ADAMTS18: variants seen among roughly 807,000 people sequenced by gnomAD.
ADAMTS18 encodes ADAM metallopeptidase with thrombospondin type 1 motif 18, also known as A disintegrin and metalloproteinase with thrombospondin motifs 18.
ADAMTS18 carries 157 observed loss-of-function variants against 165.9 expected under a neutral mutation model. The ratio of observed to expected loss-of-function variants is 0.95; its 90% CI spans 0.83 to 1.08. The LOEUF is 1.08. Among genes scored for constraint, ADAMTS18 ranks in the 50% least tolerant of loss-of-function variants. The pLI is 0.00. For missense variants in ADAMTS18, 2,040 were observed against 1,534.0 expected, an observed-to-expected ratio of 1.33 and a Z score of -5.51; for synonymous variants, 782 against 578.2, an observed-to-expected ratio of 1.35 and a Z score of -5.06.
chr16:77,420,121 C>T (rs2057583207), intron 3 of ADAMTS18, among the ~76,000 whole-genome samples: 1 of 148,452 alleles, frequency 6.7e-6, no homozygotes, highest in Admixed American at 6.8e-5. Flanking sequence ...GACGAGCAAA[C>T]TAGATTCTCA....
At chr16:77,412,361 T>G (rs1020360161) in intron 3 of ADAMTS18, among the ~76,000 whole-genome samples, 1 of 152,142 alleles carries the variant, frequency 6.6e-6, no homozygotes, top group Non-Finnish European at 1.5e-5. Context: ...AGGGTCTCGC[T>G]GTAACTCAGG....
At chr16:77,353,919 T>C in intron 9 of ADAMTS18, 33 bp from the exon 10 acceptor site, 1 of 1,613,582 alleles carries the variant, frequency 6.2e-7, no homozygotes, top group Non-Finnish European at 8.5e-7. Flanking sequence ...TTAATTACTC[T>C]GTTGATCTGT....
At chr16:77,288,002 A>G (rs1412326730) in intron 22 of ADAMTS18, among the ~76,000 whole-genome samples, 1 of 152,176 alleles carries the variant, frequency 6.6e-6, no homozygotes, top group Non-Finnish European at 1.5e-5. Context: ...GGCTTTGAAC[A>G]AGATCGAGGA....
rs534415376 is a variant in ADAMTS18 at position 77,363,676 on chromosome 16, A to G, written c.1056+126T>C. ...TCTTTTAAAATTGTACTTTGAGGAG[A>G]GTCAGCCTAGTTTCAAATTTGAGCA... On this transcript the variant is annotated intron_variant, in intron 6 of 22. Transcript: ENST00000282849. 5 of 770,452 alleles carry G rather than the reference A, an allele frequency of 6.5e-6. No individual in the cohort carries two copies. In the South Asian group the frequency reaches 7.8e-5, roughly 12 times the overall value. The allele number at this position is 770,452 out of a possible 1,614,324, so 47.7% of individuals were successfully genotyped here. A position where few individuals can be genotyped will look rare whatever the true frequency, so the allele number is the denominator to read the frequency against.
intron 16 of ADAMTS18, among the ~76,000 whole-genome samples, chr16:77,314,753 C>CATAT (rs36191323): frequency 0.02 from 752 of 36,878 alleles, 102 homozygotes; most frequent in South Asian, 0.033. Flanking sequence ...TCTCAGGTTT[C>CATAT]ATATATATAT....
At chr16:77,292,927 C>G (rs1396545542) in intron 20 of ADAMTS18, 149 bp downstream of exon 20, 3 of 864,248 alleles carry the variant, frequency 3.5e-6, no homozygotes, top group Non-Finnish European at 5.3e-6. Context: ...TCACGCCATG[C>G]TCCTGCCTCA....
At chr16:77,327,211 T>C (rs1335539039) in intron 12 of ADAMTS18, among the ~76,000 whole-genome samples, 3 of 152,194 alleles carry the variant, frequency 2.0e-5, no homozygotes, top group Non-Finnish European at 4.4e-5. Context: ...GATTTTTTTA[T>C]TTCAATAGGT....
At chr16:77,321,431 A>G (rs551763952) in intron 14 of ADAMTS18, among the ~76,000 whole-genome samples, 127 of 152,320 alleles carry the variant, frequency 8.3e-4, no homozygotes, top group Non-Finnish European at 1.6e-3. Context: ...TAGACTCTTC[A>G]TCAATGAAAC....
At chr16:77,355,881 G>C (rs1045798612) in intron 9 of ADAMTS18, 59 bp downstream of exon 9, 2 of 1,606,640 alleles carry the variant, frequency 1.2e-6, no homozygotes. Flanking sequence ...CAGGTCTATG[G>C]AGCACAATTC....
At chr16:77,423,215 T>C (rs137925492) in intron 3 of ADAMTS18, among the ~76,000 whole-genome samples, 5 of 152,340 alleles carry the variant, frequency 3.3e-5, no homozygotes, top group African/African-American at 1.2e-4. Context: ...CTGTGTGTTT[T>C]AGCTGAATCT....
Position 77,341,816 on chromosome 16 carries a change from G to T in ADAMTS18, c.1615-17C>A. ...GCAAATATCCTGAAATAAAAAAAAA[G>T]GGGGGTGCTGTTAATGGTGATATAC... On this transcript the variant is annotated splice_polypyrimidine_tract_variant and intron_variant, in intron 10 of 22. Coordinates refer to ENST00000282849, the MANE Select transcript of ADAMTS18 (RefSeq NM_199355.4). 6.4e-7 allele frequency: 1 copy of T among 1,561,240 alleles called. No homozygotes were observed. Among genetic ancestry groups the T allele is most frequent in the Non-Finnish European group, 8.8e-7 (1 of 1,136,214 alleles).
intron 12 of ADAMTS18, among the ~76,000 whole-genome samples, chr16:77,334,812 C>CAGTATATATACTGTATACTAT (rs2056276974): frequency 7.8e-5 from 9 of 115,844 alleles, no homozygotes; most frequent in African/African-American, 3.0e-4. Context: ...CTATAGTATA[C>CAGTATATATACTGTATACTAT]AGTATATATA....
At chr16:77,346,468 T>C (rs2056478276) in intron 10 of ADAMTS18, among the ~76,000 whole-genome samples, 1 of 152,030 alleles carries the variant, frequency 6.6e-6, no homozygotes, top group Non-Finnish European at 1.5e-5. Flanking sequence ...CTTTCAAGAA[T>C]TAAAAAAAAT....
At chr16:77,335,926 T>C (rs1478600781) in intron 11 of ADAMTS18, 22 bp from the exon 12 acceptor site, 4 of 1,613,976 alleles carry the variant, frequency 2.5e-6, no homozygotes, top group Non-Finnish European at 3.4e-6. Context: ...ACGTGTAAGA[T>C]GGTTCCCGTC....
At chr16:77,325,824 T>C in intron 13 of ADAMTS18, 42 bp downstream of exon 13, 1 of 1,566,510 alleles carries the variant, frequency 6.4e-7, no homozygotes, top group Non-Finnish European at 8.8e-7. Context: ...CACATTATTA[T>C]CCACATAGAG....
At chr16:77,362,308 G>C (rs748646645) in intron 6 of ADAMTS18, 44 bp from the exon 7 acceptor site, 1 of 1,604,190 alleles carries the variant, frequency 6.2e-7, no homozygotes, top group South Asian at 1.1e-5. Flanking sequence ...TTGTCACAGA[G>C]ATGAGAATGC....
chr16:77,410,312 T>C (rs559317082), intron 3 of ADAMTS18, among the ~76,000 whole-genome samples: 213 of 151,108 alleles, frequency 1.4e-3, no homozygotes, highest in African/African-American at 5.0e-3. Context: ...AAAAAATTCC[T>C]ACAAAGAATC....
intron 15 of ADAMTS18, 64 bp downstream of exon 15, chr16:77,321,015 C>G: frequency 6.2e-7 from 1 of 1,608,548 alleles, no homozygotes; most frequent in Non-Finnish European, 8.5e-7. Flanking sequence ...TTTGGCGTGA[C>G]TCAAACTTGT....
intron 10 of ADAMTS18, among the ~76,000 whole-genome samples, chr16:77,347,650 G>A (rs954287409): frequency 2.6e-5 from 4 of 151,376 alleles, no homozygotes; most frequent in Non-Finnish European, 5.9e-5. Flanking sequence ...AATTGATATT[G>A]AGTACCATTT....
Sources: gnomAD v4.1 joint callset for allele counts (sites outside exome capture counted in the v4.1 genomes callset) on GRCh38, gnomAD v4.1.1 for gene constraint, MANE v1.5 for transcripts, NCBI Gene and HGNC (gene_info 2026-07-23, HGNC 2026-07-21) for gene names.